BMPR2: variants seen among roughly 807,000 people sequenced by gnomAD.
BMPR2 encodes bone morphogenetic protein receptor type 2.
Under a neutral mutation model 100.8 loss-of-function variants are expected in BMPR2, and 29 were observed. That is an observed-to-expected ratio of 0.29 (90% CI 0.21 to 0.39). The LOEUF (loss-of-function observed/expected upper bound fraction) is 0.39, where lower values mean the gene tolerates loss of function less well. Ranked by LOEUF, BMPR2 falls within the 10% of genes least tolerant of loss-of-function variation. The pLI is 1.00. For synonymous variants in BMPR2, 382 were observed against 442.3 expected (o/e 0.86, Z 1.71); for missense variants, 1,011 against 1,274.5 (o/e 0.79, Z 3.15).
intron 7 of BMPR2, among the ~76,000 whole-genome samples, chr2:202,524,064 T>TA (rs1687864495): frequency 1.3e-5 from 2 of 151,810 alleles, no homozygotes; most frequent in Non-Finnish European, 2.9e-5. Context: ...GGGCAAGGGC[T>TA]AAAAACTAAC....
chr2:202,444,407 T>C (rs910936924), intron 1 of BMPR2, among the ~76,000 whole-genome samples: 1 of 150,684 alleles, frequency 6.6e-6, no homozygotes, highest in Non-Finnish European at 1.5e-5. Flanking sequence ...AAGAAATCCG[T>C]AGATATTGAG....
chr2:202,500,021 G>A (rs1474177083), intron 3 of BMPR2, among the ~76,000 whole-genome samples: 1 of 152,216 alleles, frequency 6.6e-6, no homozygotes, highest in African/African-American at 2.4e-5. Context: ...ATCGCTAGAA[G>A]GTGCACTGCC....
At chr2:202,430,692 G>C (rs1400524808) in intron 1 of BMPR2, among the ~76,000 whole-genome samples, 1 of 151,912 alleles carries the variant, frequency 6.6e-6, no homozygotes, top group Non-Finnish European at 1.5e-5. Context: ...AGGCGCGGTG[G>C]ATCACACCTG....
At chr2:202,443,503 C>G (rs1173478746) in intron 1 of BMPR2, among the ~76,000 whole-genome samples, 1 of 149,904 alleles carries the variant, frequency 6.7e-6, no homozygotes, top group Admixed American at 6.6e-5. Context: ...GTCTCTCTTT[C>G]TCTCTCTCTC....
At chr2:202,437,963 A>G (rs1691650698) in intron 1 of BMPR2, among the ~76,000 whole-genome samples, 1 of 150,324 alleles carries the variant, frequency 6.7e-6, no homozygotes, top group Admixed American at 6.6e-5. Flanking sequence ...ATATGTTTTT[A>G]TATCTCTTGC....
rs541505988 is a variant in BMPR2, at chr2:202,503,432, C to G, written c.419-10287C>G. 6.6e-6 allele frequency among the ~76,000 whole-genome samples: 1 copy of G among 152,252 alleles called. No homozygotes were observed. Among genetic ancestry groups the G allele is most frequent in the Non-Finnish European group, 1.5e-5 (1 of 68,038 alleles). ...GCGGCGTGCCGCGCTTGCGGGCCAG[C>G]CGGAGTTCCGGTTGGGCATGGGCTT... On this transcript the variant is annotated intron_variant, in intron 3 of 12. Transcript: ENST00000374580. The surrounding 1 kb of genome is among the most constrained non-coding windows in gnomAD (Gnocchi z 4.0).
chr2:202,539,710 AAAG>A (rs1040549884), intron 9 of BMPR2, among the ~76,000 whole-genome samples: 41 of 152,214 alleles, frequency 2.7e-4, no homozygotes, highest in African/African-American at 7.7e-4. Flanking sequence ...AGGAAGAAAA[AAAG>A]AAGAGATAGA....
intron 3 of BMPR2, among the ~76,000 whole-genome samples, chr2:202,480,126 CTTTTTCTTTTTCTTT>C (rs1423515274): frequency 6.6e-6 from 1 of 150,396 alleles, no homozygotes; most frequent in Non-Finnish European, 1.5e-5. Context: ...AAACCATTTT[CTTTTTCTTTTTCTTT>C]TTTTTCTTTT....
intron 1 of BMPR2, among the ~76,000 whole-genome samples, chr2:202,421,736 TAAA>T (rs201785849): frequency 2.1e-5 from 3 of 141,730 alleles, no homozygotes; most frequent in Admixed American, 7.2e-5. Context: ...CTCTGCCCAT[TAAA>T]AAAAAAAAAA....
intron 9 of BMPR2, among the ~76,000 whole-genome samples, chr2:202,534,312 G>A (rs1160325715): frequency 1.3e-5 from 2 of 150,816 alleles, no homozygotes; most frequent in South Asian, 4.2e-4. Flanking sequence ...CACAGAGGGG[G>A]ATTTGGCTGG....
intron 3 of BMPR2, among the ~76,000 whole-genome samples, chr2:202,506,117 G>A (rs1009551775): frequency 6.6e-6 from 1 of 152,206 alleles, no homozygotes; most frequent in African/African-American, 2.4e-5. Flanking sequence ...ACATGGCAGA[G>A]AACAGAAAGA....
intron 1 of BMPR2, among the ~76,000 whole-genome samples, chr2:202,451,803 G>A (rs1691991964): frequency 1.3e-5 from 2 of 152,074 alleles, no homozygotes; most frequent in South Asian, 4.1e-4. Context: ...AGGCTGGAGT[G>A]CAATGGCATG....
intron 11 of BMPR2, 49 bp downstream of exon 11, chr2:202,552,937 G>C: frequency 1.9e-6 from 3 of 1,599,974 alleles, no homozygotes; most frequent in Non-Finnish European, 2.6e-6. Flanking sequence ...TAGAAACTGA[G>C]ACCCAACAAA....
At chr2:202,420,369 CTG>C (rs934625241) in intron 1 of BMPR2, among the ~76,000 whole-genome samples, 39 of 151,910 alleles carry the variant, frequency 2.6e-4, no homozygotes, top group African/African-American at 9.4e-4. Flanking sequence ...TACAGAGAAA[CTG>C]TGAATTTTAT....
chr2:202,474,048 T>C (rs1024548195), intron 3 of BMPR2, among the ~76,000 whole-genome samples: 4 of 151,770 alleles, frequency 2.6e-5, no homozygotes, highest in African/African-American at 9.7e-5. Context: ...GAGGTTGCAG[T>C]GAGCCGAGAT....
At chr2:202,419,288 G>C (rs909846502) in intron 1 of BMPR2, among the ~76,000 whole-genome samples, 1 of 152,028 alleles carries the variant, frequency 6.6e-6, no homozygotes, top group African/African-American at 2.4e-5. Context: ...ACTAATTAGC[G>C]TAACATTTTC....
intron 3 of BMPR2, among the ~76,000 whole-genome samples, chr2:202,504,387 C>A (rs1672728090): frequency 6.6e-6 from 1 of 151,990 alleles, no homozygotes; most frequent in Non-Finnish European, 1.5e-5. Context: ...GAATGAACAA[C>A]TCCAGACACG....
At chr2:202,552,613 G>A (rs1688499698) in intron 10 of BMPR2, 103 bp from the exon 11 acceptor site, 13 of 1,199,674 alleles carry the variant, frequency 1.1e-5, no homozygotes, top group Middle Eastern at 1.9e-4. Context: ...TAAAATACTG[G>A]TTAAGGTAAT....
chr2:202,427,236 G>A (rs559996016), intron 1 of BMPR2, among the ~76,000 whole-genome samples: 50 of 151,686 alleles, frequency 3.3e-4, no homozygotes, highest in Non-Finnish European at 6.0e-4. Context: ...TGTGTGCCTG[G>A]TACTTCCCAG....
Sources: gnomAD v4.1 joint callset for allele counts (sites outside exome capture counted in the v4.1 genomes callset) on GRCh38, gnomAD v4.1.1 for gene constraint, Gnocchi (gnomAD v3.1) non-coding constraint, MANE v1.5 for transcripts, NCBI Gene and HGNC (gene_info 2026-07-23, HGNC 2026-07-21) for gene names.